The following ZEB1 variants were observed in gnomAD, a reference collection of about 807,000 sequenced individuals.
ZEB1 encodes zinc finger E-box binding homeobox 1, also known as zinc finger E-box-binding homeobox 1.
In ZEB1, 21 loss-of-function variants were observed where a neutral mutation model predicts 84.9. The ratio of observed to expected loss-of-function variants is 0.25; its 90% CI spans 0.18 to 0.36. The LOEUF is 0.36. ZEB1 is among the 10% of genes least tolerant of loss of function. The pLI, the probability that ZEB1 is intolerant of heterozygous loss-of-function variation, is 1.00. For missense variants in ZEB1, 1,104 were observed against 1,330.2 expected (o/e 0.83, Z 2.65); for synonymous variants, 420 against 471.1 (o/e 0.89, Z 1.41).
intron 1 of ZEB1, chr10:31,320,364 T>G (rs1356449089): frequency 6.6e-6 from 1 of 152,164 alleles, no homozygotes; most frequent in Non-Finnish European, 1.5e-5. Flanking sequence ...TGGGCCGGTG[T>G]GCGTGCGCCT....
intron 1 of ZEB1, among the ~76,000 whole-genome samples, chr10:31,346,558 G>C (rs12253971): frequency 6.6e-6 from 1 of 150,604 alleles, no homozygotes; most frequent in Admixed American, 6.6e-5. Context: ...ACTTTTGCAC[G>C]TAGAGTTTTT....
Position 31,520,965 on chromosome 10 carries a change from C to T in ZEB1, c.1633C>T (p.Leu545Phe). The T allele has an allele frequency of 6.2e-7, 1 of 1,614,094 alleles. No homozygotes were observed. ...CDDCPGDINA[L>F]PELKHYDLKQ... ...TGATTGTCCAGGAGATATTAATGCACTTCCAGAATTAAAGCACTATGACCT... is the reference window on the plus strand; with the variant it reads ...TGATTGTCCAGGAGATATTAATGCATTTCCAGAATTAAAGCACTATGACCT... The change falls in exon 7 of 9, where the codon CTT becomes TTT. Residue 545 changes from leucine to phenylalanine, a missense_variant. Leu to Phe is a conservative substitution (Grantham distance 22). Around this residue, in one of 7 missense-constraint regions of ZEB1, gnomAD observed 531 missense variants for 575.2 expected, o/e 0.92. Transcript: ENST00000424869. The surrounding 1 kb of genome is among the most constrained non-coding windows in gnomAD (Gnocchi z 5.1).
chr10:31,469,914 C>T (rs1426488282), intron 2 of ZEB1, among the ~76,000 whole-genome samples: 2 of 152,188 alleles, frequency 1.3e-5, no homozygotes, highest in African/African-American at 4.8e-5. Context: ...CCCTAACCCC[C>T]GAGCAGCCTA....
intron 1 of ZEB1, among the ~76,000 whole-genome samples, chr10:31,386,719 G>C (rs578110903): frequency 6.6e-6 from 1 of 152,096 alleles, no homozygotes; most frequent in Non-Finnish European, 1.5e-5. Flanking sequence ...TTAGGAAATA[G>C]CATATGCCAT....
At chr10:31,391,542 T>G (rs2049737063) in intron 1 of ZEB1, among the ~76,000 whole-genome samples, 1 of 152,080 alleles carries the variant, frequency 6.6e-6, no homozygotes, top group Admixed American at 6.6e-5. Context: ...TTGCCTAACC[T>G]CTAATGTCTC....
chr10:31,459,213 C>A (rs2061558129), intron 1 of ZEB1, among the ~76,000 whole-genome samples: 1 of 152,060 alleles, frequency 6.6e-6, no homozygotes, highest in Non-Finnish European at 1.5e-5. Flanking sequence ...ACTGTCTGTA[C>A]TGACATAGAA....
At chr10:31,431,202 A>C (rs892143351) in intron 1 of ZEB1, among the ~76,000 whole-genome samples, 7 of 152,212 alleles carry the variant, frequency 4.6e-5, no homozygotes, top group African/African-American at 1.7e-4. Flanking sequence ...TTCCAGGTAC[A>C]TATCTTTGTT....
intron 1 of ZEB1, chr10:31,362,777 C>G: frequency 1.5e-6 from 1 of 673,664 alleles, no homozygotes; most frequent in Non-Finnish European, 2.7e-6. Flanking sequence ...ATCCGCCCGC[C>G]TGGGCCTCCC....
At chr10:31,503,961 C>G (rs542645138) in intron 4 of ZEB1, among the ~76,000 whole-genome samples, 2 of 140,230 alleles carry the variant, frequency 1.4e-5, no homozygotes, top group Non-Finnish European at 2.9e-5. Flanking sequence ...TCATATTAGT[C>G]CCTTGTCAGA....
chr10:31,492,442 C>T (rs545674125), intron 2 of ZEB1, among the ~76,000 whole-genome samples: 2 of 151,892 alleles, frequency 1.3e-5, no homozygotes, highest in South Asian at 2.1e-4. Flanking sequence ...GTAGGACCGG[C>T]GTATTAAATG....
chr10:31,319,837 C>A (rs1235731285), intron 1 of ZEB1: 2 of 148,084 alleles, frequency 1.4e-5, no homozygotes, highest in South Asian at 2.0e-4. Context: ...CGGCCGGCGC[C>A]GTCGCTGTCG....
intron 2 of ZEB1, among the ~76,000 whole-genome samples, chr10:31,493,217 G>A (rs750833906): frequency 2.0e-5 from 3 of 151,958 alleles, no homozygotes; most frequent in Non-Finnish European, 4.4e-5. Context: ...CATACAGTAT[G>A]TAACCTTTTA....
At position 31,521,777 on chromosome 10, in the gene ZEB1, C is replaced by T. The variant is rs200125768; in HGVS notation, c.2445C>T (p.Ile815=). 3.2e-4 allele frequency: 519 copies of T among 1,614,030 alleles called. 2 individuals carry two copies. The Middle Eastern group carries it at 4.5e-3, about 14-fold the overall frequency. The stretch of plus-strand genomic sequence containing the variant: ...CAGTCACTGCCCAGTTACCCACAAT[C>T]GTGGCCATTGCTGACCAGAACAGTG... ...IPTVTAQLPT[I]VAIADQNSVP... is the part of the protein sequence containing the mutation. The change falls in exon 7 of 9, where the codon ATC becomes ATT. Residue 815 remains isoleucine (I), a synonymous_variant. Transcript: ENST00000424869.
intron 1 of ZEB1, among the ~76,000 whole-genome samples, chr10:31,388,588 A>C (rs1055266414): frequency 2.6e-5 from 4 of 152,160 alleles, no homozygotes; most frequent in African/African-American, 9.6e-5. Context: ...TAAATGGTCG[A>C]GGAGTTAGAA....
intron 5 of ZEB1, among the ~76,000 whole-genome samples, chr10:31,512,986 G>A (rs77500073): frequency 0.015 from 2,308 of 152,286 alleles, 44 homozygotes; most frequent in African/African-American, 0.052. Flanking sequence ...GAGAGGTGTT[G>A]GGGGCTACAT....
intron 1 of ZEB1, among the ~76,000 whole-genome samples, chr10:31,324,671 CTT>C (rs1313242394): frequency 2.0e-5 from 3 of 151,964 alleles, no homozygotes; most frequent in African/African-American, 7.2e-5. Flanking sequence ...AATGCATGCT[CTT>C]TATTTCTAAT....
intron 4 of ZEB1, among the ~76,000 whole-genome samples, chr10:31,502,780 T>C (rs1425045316): frequency 1.3e-5 from 2 of 152,200 alleles, no homozygotes; most frequent in Non-Finnish European, 2.9e-5. Flanking sequence ...TTTACTTACA[T>C]GGTAGCAGGC....
At chr10:31,469,107 T>G (rs1408594521) in intron 2 of ZEB1, among the ~76,000 whole-genome samples, 1 of 152,234 alleles carries the variant, frequency 6.6e-6, no homozygotes, top group Admixed American at 6.5e-5. Context: ...ATAAATTTGC[T>G]GAAGGAACTT....
intron 1 of ZEB1, among the ~76,000 whole-genome samples, chr10:31,341,007 T>C (rs2039249365): frequency 6.6e-6 from 1 of 151,814 alleles, no homozygotes. Flanking sequence ...GTGATTGGAG[T>C]TGAGTCTGGA....
Sources: gnomAD v4.1 joint callset for allele counts (sites outside exome capture counted in the v4.1 genomes callset) on GRCh38, gnomAD v4.1.1 for gene constraint, gnomAD v4.1.1 regional missense constraint, Gnocchi (gnomAD v3.1) non-coding constraint, MANE v1.5 for transcripts, NCBI Gene and HGNC (gene_info 2026-07-23, HGNC 2026-07-21) for gene names.